The following NRK variants were observed in gnomAD, a reference collection of about 807,000 sequenced individuals.
The protein encoded by NRK is Nik related kinase, also known as nik-related protein kinase.
In NRK, 67 loss-of-function variants were observed where a neutral mutation model predicts 125.2. That is an observed-to-expected ratio of 0.54 (90% confidence interval 0.44 to 0.66). The LOEUF (loss-of-function observed/expected upper bound fraction) is 0.66, where lower values mean the gene tolerates loss of function less well. Among genes scored for constraint, NRK ranks in the 30% least tolerant of loss-of-function variants. The probability of loss-of-function intolerance (pLI) is 0.00; values close to 1 mark genes in which losing one functional copy is unlikely to be tolerated. For missense variants in NRK, 1,224 were observed against 1,192.9 expected, an observed-to-expected ratio of 1.03 and a Z score of -0.38; for synonymous variants, 458 against 429.0, an observed-to-expected ratio of 1.07 and a Z score of -0.84.
chrX:105,842,347 G>A (rs1176981426), intron 2 of NRK, among the ~76,000 whole-genome samples: 1 of 111,231 alleles, frequency 9.0e-6, no homozygotes, highest in African/African-American at 3.3e-5. Context: ...TCAGACTCCT[G>A]GAAGCCATGA....
At chrX:105,935,651 G>A (rs1481081621) in intron 21 of NRK, among the ~76,000 whole-genome samples, 1 of 108,910 alleles carries the variant, frequency 9.2e-6, no homozygotes, top group East Asian at 2.9e-4. Context: ...TTAGCTGGGT[G>A]TGGTGGCAGG....
In NRK at chrX:105,831,109, G is replaced by A; in HGVS notation, c.113G>A (p.Arg38Lys). 1 of 1,103,762 alleles carries A rather than the reference G, an allele frequency of 9.1e-7. No individual in the cohort carries two copies. The highest frequency in any genetic ancestry group is 1.2e-6 in the Non-Finnish European group (1 of 802,660). 91.0% of individuals were successfully genotyped at this position (1,103,762 alleles called of 1,213,427 possible). A position where few individuals can be genotyped will look rare whatever the true frequency, so the allele number is the denominator to read the frequency against. The change falls in exon 2 of 29, where the codon AGA (arginine) becomes AAA (lysine). Residue 38 changes from arginine (R) to lysine (K), a missense_variant. By Grantham distance (26) the Arg-to-Lys change is conservative (BLOSUM62 2). Coordinates refer to ENST00000243300, the MANE Select transcript of NRK (RefSeq NM_198465.4). ...DKTIGLGTYG[R>K]IYLGLHEKTG... Reference sequence around the variant, plus strand: ...ACCATTGGCCTTGGTACTTATGGCAGAATCTATTTGGTAAGTTGACTTACA... The same window carrying A: ...ACCATTGGCCTTGGTACTTATGGCAAAATCTATTTGGTAAGTTGACTTACA...
At chrX:105,942,831 G>A (rs1048053059) in intron 23 of NRK, among the ~76,000 whole-genome samples, 1 of 109,844 alleles carries the variant, frequency 9.1e-6, no homozygotes, top group African/African-American at 3.3e-5. Flanking sequence ...CACCATGTTG[G>A]CCAGGCTGGT....
chrX:105,852,087 C>A (rs2039479553), intron 2 of NRK, among the ~76,000 whole-genome samples: 1 of 111,888 alleles, frequency 8.9e-6, no homozygotes, highest in African/African-American at 3.2e-5. Context: ...CTTTCTCAAT[C>A]TTTTTTGCAA....
intron 16 of NRK, among the ~76,000 whole-genome samples, chrX:105,917,936 C>T (rs1382270951): frequency 9.1e-6 from 1 of 110,418 alleles, no homozygotes; most frequent in Non-Finnish European, 1.9e-5. Flanking sequence ...CGGGGGGAGT[C>T]AGCTTTATTA....
intron 5 of NRK, among the ~76,000 whole-genome samples, chrX:105,892,931 A>G (rs766868426): frequency 1.8e-5 from 2 of 111,896 alleles, no homozygotes; most frequent in African/African-American, 3.2e-5. Flanking sequence ...TAATTTGCAC[A>G]AAGTTAAAAA....
chrX:105,898,860 C>T (rs753679963), intron 8 of NRK, 146 bp downstream of exon 8: 45 of 427,315 alleles, frequency 1.1e-4, no homozygotes, highest in East Asian at 3.0e-4. Flanking sequence ...GCCTCTATTT[C>T]GGTAAGTGGT....
intron 14 of NRK, 70 bp from the exon 15 acceptor site, chrX:105,915,660 C>T (rs2040355805): frequency 3.9e-6 from 2 of 514,931 alleles, no homozygotes; most frequent in Admixed American, 6.3e-5. Context: ...CAGGCATTTT[C>T]CCACAAATTA....
At chrX:105,920,393 A>G (rs1189584127) in intron 16 of NRK, among the ~76,000 whole-genome samples, 1 of 103,731 alleles carries the variant, frequency 9.6e-6, no homozygotes, top group Admixed American at 1.0e-4. Flanking sequence ...TTTTGGTTCC[A>G]TATGAACTTT....
At position 105,829,828 on chromosome X, in the gene NRK, C is replaced by G. The variant is rs191392403; in HGVS notation, c.58-1226C>G. On this transcript the variant is annotated intron_variant, in intron 1 of 28. Coordinates refer to ENST00000243300, the MANE Select transcript of NRK (RefSeq NM_198465.4). ...TCTTAAAATGATGCTCTTTTAATAT[C>G]ATGATCTTGCTTTGTTATTCATATT... 4.0e-4 allele frequency among the ~76,000 whole-genome samples: 45 copies of G among 111,545 alleles called. 1 individual carries two copies. Among genetic ancestry groups the G allele is most frequent in the African/African-American group, 1.4e-3 (44 of 30,774 alleles).
chrX:105,895,168 T>A, intron 6 of NRK: 1 of 497,747 alleles, frequency 2.0e-6, no homozygotes, highest in Non-Finnish European at 3.6e-6. Context: ...AGTGGCCCAA[T>A]GTATACAAAC....
At chrX:105,881,598 T>A (rs897692498) in intron 3 of NRK, 110 bp from the exon 4 acceptor site, 6 of 406,905 alleles carry the variant, frequency 1.5e-5, no homozygotes, top group Non-Finnish European at 2.6e-5. Flanking sequence ...GAGAGAGGAA[T>A]AATGTTATCT....
rs201434096 is a variant in NRK, at chrX:105,946,447, G to A, written c.4336G>A (p.Val1446Met). Residue 1446 changes from valine to methionine, a missense_variant, in exon 26 of 29, where the codon GTG (valine) becomes ATG (methionine). Physicochemically the swap from Val to Met is conservative, Grantham distance 21. Coordinates refer to ENST00000243300, the MANE Select transcript of NRK (RefSeq NM_198465.4). ...IDAESEVMSD[V>M]TLPKNPLEII... ...TGCAGAATCTGAGGTTATGTCTGAT[G>A]TGACCCTGCCAAAGAATGTAAGATA... The A allele has an allele frequency of 8.0e-4, 950 of 1,186,279 alleles. 1 individual carries two copies. The highest frequency in any genetic ancestry group is 6.6e-4 in the Non-Finnish European group (579 of 877,972).
chrX:105,839,505 G>A (rs1473837773), intron 2 of NRK, among the ~76,000 whole-genome samples: 2 of 111,617 alleles, frequency 1.8e-5, no homozygotes, highest in African/African-American at 6.5e-5. Flanking sequence ...GTGACATTGT[G>A]ATAATGTGCC....
intron 2 of NRK, among the ~76,000 whole-genome samples, chrX:105,879,952 A>G (rs2039864074): frequency 9.0e-6 from 1 of 111,194 alleles, no homozygotes; most frequent in Non-Finnish European, 1.9e-5. Context: ...GTTACTACAG[A>G]TGTAAACAGC....
chrX:105,925,278 T>C (rs1438502418), intron 19 of NRK, among the ~76,000 whole-genome samples: 1 of 111,569 alleles, frequency 9.0e-6, no homozygotes, highest in African/African-American at 3.3e-5. Flanking sequence ...TTTGAGGTAG[T>C]GTCTCTTGAC....
chrX:105,890,753 ACCTC>A (rs1569302714), intron 5 of NRK, among the ~76,000 whole-genome samples: 2 of 111,245 alleles, frequency 1.8e-5, no homozygotes, highest in Non-Finnish European at 3.8e-5. Flanking sequence ...TGATTCAATT[ACCTC>A]CCACCAGGTC....
chrX:105,921,482 TA>T lies in NRK; in HGVS notation c.2513-470del, dbSNP rs767243455. Among the ~76,000 whole-genome samples, 964 of 99,664 alleles carry T rather than the reference TA, an allele frequency of 9.7e-3. 4 individuals are homozygous for T. Among genetic ancestry groups the T allele is most frequent in the Middle Eastern group, 0.024 (5 of 206 alleles). The allele number at this position is 99,664 out of a possible 115,157, so 86.5% of individuals were successfully genotyped here. On this transcript the variant is annotated intron_variant, in intron 16 of 28. Transcript: ENST00000243300. The stretch of plus-strand genomic sequence containing the variant: ...TGTACCCTAAAACTTAAAGTATAAT[TA>T]AAAAAAAAAAAGATTGAAGAATGAA...
chrX:105,922,121 T>C, intron 17 of NRK, 60 bp downstream of exon 17: 1 of 555,336 alleles, frequency 1.8e-6, no homozygotes, highest in African/African-American at 2.3e-5. Context: ...TTATTTTGAC[T>C]TACACATTCT....
Sources: allele counts gnomAD v4.1 joint callset (sites outside exome capture counted in the v4.1 genomes callset), GRCh38; gene constraint gnomAD v4.1.1; transcripts MANE v1.5; gene names NCBI Gene and HGNC (gene_info 2026-07-23, HGNC 2026-07-21).